The following PLRG1 variants were observed in gnomAD, a reference collection of about 807,000 sequenced individuals.
PLRG1 encodes the protein pleiotropic regulator 1, also known as pleiotropic regulator 1 (PRL1 homolog, Arabidopsis).
In PLRG1, 28 loss-of-function variants were observed where a neutral mutation model predicts 74.9. The observed-to-expected ratio is 0.37, with a 90% CI of 0.28 to 0.51. PLRG1 has a LOEUF of 0.51. Among genes scored for constraint, PLRG1 ranks in the 20% least tolerant of loss-of-function variants. The pLI is 0.91. For synonymous variants in PLRG1, 197 were observed against 212.4 expected (o/e 0.93, Z 0.63); for missense variants, 445 against 631.9 (o/e 0.70, Z 3.17).
In PLRG1 at chr4:154,546,933, AGAATCTCATTATTGGCTCGTTAGT is replaced by A. The variant is rs1286763168; in HGVS notation, c.313+54_313+77del. ...CTTATCTTGCATTTTATAGGCAACA[AGAATCTCATTATTGGCTCGTTAGT>A]GAAAATATATGTGACATTTTTAAGA... is the stretch of plus-strand genomic sequence containing the variant. On this transcript the variant is annotated intron_variant, in intron 4 of 14. Transcript: ENST00000499023. 3.7e-6 allele frequency: 4 copies of A among 1,072,828 alleles called. No homozygotes were observed. In the African/African-American group the frequency reaches 6.2e-5, roughly 17 times the overall value. The allele number at this position is 1,072,828 out of a possible 1,614,324, so 66.5% of individuals were successfully genotyped here.
At chr4:154,540,079 G>A in intron 10 of PLRG1, 26 bp from the exon 11 acceptor site, 1 of 1,191,934 alleles carries the variant, frequency 8.4e-7, no homozygotes, top group East Asian at 2.3e-5. Flanking sequence ...AGACATATTA[G>A]GAAAGAGAAT....
Position 154,546,175 on chromosome 4 carries a change from G to C in PLRG1, c.352C>G (p.Pro118Ala). Residue 118 changes from proline to alanine, a missense_variant, in exon 5 of 15, where the codon CCA becomes GCA. Pro to Ala is a conservative substitution (Grantham distance 27). Around this residue, in one of 3 missense-constraint regions of PLRG1, gnomAD observed 206 missense variants for 210.8 expected, o/e 0.98. Transcript: ENST00000499023. ...LTADTKIQRM[P>A]SESAAQSLAV... is the part of the protein sequence containing the mutation. ...AAGGACTGTGCAGCTGATTCACTTG[G>C]CATTCTCTGGATCTTAGTATCTGCT... The C allele has an allele frequency of 6.2e-7, 1 of 1,609,146 alleles. No individual in the cohort carries two copies. The highest frequency in any genetic ancestry group is 8.5e-7 in the Non-Finnish European group (1 of 1,175,586).
At chr4:154,543,192 G>C (rs963878326) in intron 7 of PLRG1, among the ~76,000 whole-genome samples, 4 of 152,132 alleles carry the variant, frequency 2.6e-5, no homozygotes, top group African/African-American at 7.2e-5. Context: ...CTGTCGCCCA[G>C]GCTGGAGTGC....
chr4:154,548,645 AAC>A (rs1729701439), intron 2 of PLRG1, among the ~76,000 whole-genome samples, 182 bp downstream of exon 2: 1 of 152,186 alleles, frequency 6.6e-6, no homozygotes. Context: ...TAATTAATGG[AAC>A]TTTTACTGTA....
chr4:154,536,614 C>A lies in PLRG1; in HGVS notation c.*71G>T. On this transcript the variant is annotated 3_prime_UTR_variant, in exon 15 of 15. Coordinates refer to ENST00000499023, the MANE Select transcript of PLRG1 (RefSeq NM_002669.4). ...CCAGAGCACAAAATGACTGGATATCCTCATGAACGCCAAGCTTTTTTTTTT... is the reference window on the plus strand; with the variant it reads ...CCAGAGCACAAAATGACTGGATATCATCATGAACGCCAAGCTTTTTTTTTT... 1.3e-6 allele frequency: 1 copy of A among 793,022 alleles called. No homozygotes were observed. The highest frequency in any genetic ancestry group is 1.6e-5 in the South Asian group (1 of 63,602). 49.1% of individuals were successfully genotyped at this position (793,022 alleles called of 1,614,324 possible).
intron 10 of PLRG1, chr4:154,540,388 A>G: frequency 1.7e-6 from 1 of 591,802 alleles, no homozygotes; most frequent in South Asian, 2.2e-5. Flanking sequence ...GGGGCAGGGC[A>G]CTAATAACAC....
At position 154,539,170 on chromosome 4, in the gene PLRG1, T is replaced by G; in HGVS notation, c.1086A>C (p.Gly362=). ...GATTTGTTAATGTCACTCTTGTTTT[T>G]CCAGCCACCAGATCCCATAATCGAA... is the stretch of plus-strand genomic sequence containing the variant. ...TTIRLWDLVA[G]KTRVTLTNHK... is the part of the protein sequence containing the mutation. The change falls in exon 12 of 15, where the codon GGA becomes GGC. Residue 362 remains glycine, a synonymous_variant. Coordinates refer to ENST00000499023, the MANE Select transcript of PLRG1 (RefSeq NM_002669.4). 2 of 1,612,494 alleles carry G rather than the reference T, an allele frequency of 1.2e-6. No homozygotes were observed. The highest frequency in any genetic ancestry group is 1.7e-6 in the Non-Finnish European group (2 of 1,178,614).
intron 7 of PLRG1, among the ~76,000 whole-genome samples, chr4:154,542,653 T>C (rs568065133): frequency 1.6e-3 from 237 of 152,188 alleles, no homozygotes; most frequent in African/African-American, 5.5e-3. Context: ...ATGAGGTGAA[T>C]GGATAAATAA....
Position 154,544,471 on chromosome 4 carries a change from A to G in PLRG1, c.568T>C (p.Trp190Arg), listed in dbSNP as rs1578769629. ...KKAPTMPKPQ[W>R]HPPWKLYRVI... is the part of the protein sequence containing the mutation. ...CTGTAGAGTTTCCACGGTGGGTGCCACTGGGGTTTTGGCATTGTAGGGGCT... is the reference window on the plus strand; with the variant it reads ...CTGTAGAGTTTCCACGGTGGGTGCCGCTGGGGTTTTGGCATTGTAGGGGCT... Residue 190 changes from tryptophan (W) to arginine (R), a missense_variant, in exon 7 of 15, where the codon TGG becomes CGG. Trp to Arg is a moderately radical substitution (Grantham distance 101). This residue lies in a region of PLRG1 where 206 missense variants were observed against 210.8 expected (regional missense o/e 0.98). Transcript: ENST00000499023. The G allele has an allele frequency of 6.2e-7, 1 of 1,608,854 alleles. No homozygotes were observed. Among genetic ancestry groups the G allele is most frequent in the Non-Finnish European group, 8.5e-7 (1 of 1,175,256 alleles).
At chr4:154,549,274 CAAAT>C (rs2110730772) in intron 1 of PLRG1, 4 of 358,118 alleles carry the variant, frequency 1.1e-5, no homozygotes, top group East Asian at 1.5e-4. Flanking sequence ...AGGAAACAGA[CAAAT>C]AAAAAGTAAA....
Position 154,538,109 on chromosome 4 carries a change from C to A in PLRG1, c.1152-1G>T. Reference sequence around the variant, plus strand: ...TGGAGAACCAGATGCAAATGTGTAACTGAAATAATATTAAAAAGAATTAAC... The same window carrying A: ...TGGAGAACCAGATGCAAATGTGTAAATGAAATAATATTAAAAAGAATTAAC... On this transcript the variant is annotated splice_acceptor_variant, in intron 12 of 14. Coordinates refer to ENST00000499023, the MANE Select transcript of PLRG1 (RefSeq NM_002669.4). LOFTEE classifies it high-confidence loss of function. 7.0e-7 allele frequency: 1 copy of A among 1,419,980 alleles called. No individual in the cohort carries two copies. The highest frequency in any genetic ancestry group is 9.6e-7 in the Non-Finnish European group (1 of 1,041,916). 88.0% of individuals were successfully genotyped at this position (1,419,980 alleles called of 1,614,324 possible). A position where few individuals can be genotyped will look rare whatever the true frequency, so the allele number is the denominator to read the frequency against.
At position 154,540,711 on chromosome 4, in the gene PLRG1, G is replaced by C. The variant is rs1434517006; in HGVS notation, c.838-16C>G. On this transcript the variant is annotated splice_polypyrimidine_tract_variant and intron_variant, in intron 9 of 14. Transcript: ENST00000499023. ...GCCGTATAACCTAAAGACAAAGCAG[G>C]AAAGTTAAAACTTCTAGAATTAGAA... 1 of 1,610,712 alleles carries C rather than the reference G, an allele frequency of 6.2e-7. No individual in the cohort carries two copies. The highest frequency in any genetic ancestry group is 2.2e-5 in the East Asian group (1 of 44,864).
chr4:154,535,537 G>C lies in PLRG1; in HGVS notation c.*1148C>G, dbSNP rs763762099. The C allele has an allele frequency of 1.3e-5, 2 of 150,766 alleles. No homozygotes were observed. The highest frequency in any genetic ancestry group is 3.0e-5 in the Non-Finnish European group (2 of 67,774). The allele number at this position is 150,766 out of a possible 1,614,324, so 9.3% of individuals were successfully genotyped here. On this transcript the variant is annotated 3_prime_UTR_variant, in exon 15 of 15. Coordinates refer to ENST00000499023, the MANE Select transcript of PLRG1 (RefSeq NM_002669.4). ...ATGGGTAATGTAATTGGAAGTGCTT[G>C]TTCAAAATCATGGTGCAATTTTTTA... is the stretch of plus-strand genomic sequence containing the variant.
chr4:154,546,737 T>C lies in PLRG1; in HGVS notation c.313+274A>G, dbSNP rs72955346. ...TTACAAGCTTAGTGATATTTACATGTCTGCCTAAACCACCAGATAATAAAT... is the reference window on the plus strand; with the variant it reads ...TTACAAGCTTAGTGATATTTACATGCCTGCCTAAACCACCAGATAATAAAT... On this transcript the variant is annotated intron_variant, in intron 4 of 14. Transcript: ENST00000499023. 7.8e-3 allele frequency: 3,715 copies of C among 477,852 alleles called. 120 individuals carry two copies. Among genetic ancestry groups the C allele is most frequent in the African/African-American group, 0.066 (3,398 of 51,424 alleles). 29.6% of individuals were successfully genotyped at this position (477,852 alleles called of 1,614,324 possible).
At chr4:154,542,110 G>T in intron 8 of PLRG1, 77 bp downstream of exon 8, 2 of 910,402 alleles carry the variant, frequency 2.2e-6, no homozygotes, top group Non-Finnish European at 3.6e-6. Context: ...AGCAATTCCT[G>T]CCACAGGAAA....
At position 154,544,056 on chromosome 4, in the gene PLRG1, A is replaced by T. The variant is rs143800145; in HGVS notation, c.594+389T>A. 129 of 166,596 alleles carry T rather than the reference A, an allele frequency of 7.7e-4. 1 individual carries two copies. Among genetic ancestry groups the T allele is most frequent in the Middle Eastern group, 5.8e-3 (2 of 346 alleles). 10.3% of individuals were successfully genotyped at this position (166,596 alleles called of 1,614,324 possible). A position where few individuals can be genotyped will look rare whatever the true frequency, so the allele number is the denominator to read the frequency against. ...TTAGCATGCATGTCCATTTTCTTTTAGATGATACACTCTGAATCATTTTCA... is the reference window on the plus strand; with the variant it reads ...TTAGCATGCATGTCCATTTTCTTTTTGATGATACACTCTGAATCATTTTCA... On this transcript the variant is annotated intron_variant, in intron 7 of 14. Coordinates refer to ENST00000499023, the MANE Select transcript of PLRG1 (RefSeq NM_002669.4).
chr4:154,537,216 A>T, intron 14 of PLRG1, 70 bp downstream of exon 14: 2 of 901,624 alleles, frequency 2.2e-6, no homozygotes, highest in Admixed American at 2.4e-5. Context: ...TCCTTCTGAT[A>T]ATTAAATGAG....
chr4:154,538,063 T>C lies in PLRG1; in HGVS notation c.1197A>G (p.Lys399=), dbSNP rs752014601. The C allele has an allele frequency of 5.2e-5, 80 of 1,530,480 alleles. No individual in the cohort carries two copies. The highest frequency in any genetic ancestry group is 5.9e-5 in the Non-Finnish European group (66 of 1,113,868). The allele number at this position is 1,530,480 out of a possible 1,614,324, so 94.8% of individuals were successfully genotyped here. ...SGSPDNIKQW[K]FPDGSFIQNL... ...TTTGAATGAAACTTCCATCAGGGAA[T>C]TTCCACTGCTTTATGTTATCTGGAG... The change falls in exon 13 of 15, where the codon AAA becomes AAG. Residue 399 remains lysine, a synonymous_variant. Transcript: ENST00000499023.
At position 154,536,159 on chromosome 4, in the gene PLRG1, G is replaced by A. The variant is rs1729445058; in HGVS notation, c.*526C>T. On this transcript the variant is annotated 3_prime_UTR_variant, in exon 15 of 15. Coordinates refer to ENST00000499023, the MANE Select transcript of PLRG1 (RefSeq NM_002669.4). ...CTAAGCTACCAAACTGGAAGTCTTA[G>A]AGGATAGACACATCTTACTTGTCTA... The A allele has an allele frequency of 6.5e-6, 1 of 153,528 alleles. No homozygotes were observed. Among genetic ancestry groups the A allele is most frequent in the South Asian group, 2.0e-4 (1 of 4,882 alleles). 9.5% of individuals were successfully genotyped at this position (153,528 alleles called of 1,614,324 possible). A position where few individuals can be genotyped will look rare whatever the true frequency, so the allele number is the denominator to read the frequency against.
Sources: gnomAD v4.1 joint callset for allele counts (sites outside exome capture counted in the v4.1 genomes callset) on GRCh38, gnomAD v4.1.1 for gene constraint, gnomAD v4.1.1 regional missense constraint, MANE v1.5 for transcripts, NCBI Gene and HGNC (gene_info 2026-07-23, HGNC 2026-07-21) for gene names.